VCL: variants seen among roughly 807,000 people sequenced by gnomAD.
VCL encodes vinculin.
VCL carries 47 observed loss-of-function variants against 125.7 expected under a neutral mutation model. That is an observed-to-expected ratio of 0.37 (90% confidence interval 0.30 to 0.48). VCL has a LOEUF of 0.48. VCL is among the 20% of genes least tolerant of loss of function. The pLI is 0.99. For synonymous variants in VCL, 458 were observed against 514.6 expected, an observed-to-expected ratio of 0.89 and a Z score of 1.49; for missense variants, 1,069 against 1,455.5, an observed-to-expected ratio of 0.73 and a Z score of 4.32.
intron 1 of VCL, among the ~76,000 whole-genome samples, chr10:74,042,530 TATTC>T: frequency 6.6e-6 from 1 of 152,338 alleles, no homozygotes; most frequent in East Asian, 1.9e-4. Flanking sequence ...CAGCATTATA[TATTC>T]TTTCTTTTTA....
chr10:74,067,866 T>C (rs1408584783), intron 2 of VCL, among the ~76,000 whole-genome samples: 1 of 152,128 alleles, frequency 6.6e-6, no homozygotes, highest in African/African-American at 2.4e-5. Flanking sequence ...TTAATGAGTA[T>C]TGCGTGTTTT....
chr10:74,095,680 T>C lies in VCL; in HGVS notation c.1568T>C (p.Val523Ala). ...GVGQAAIRGL[V>A]AEGHRLANVM... is the part of the protein sequence containing the mutation. Reference sequence around the variant, plus strand: ...GGTCAGGCTGCCATCCGGGGGCTTGTGGCCGAAGGGCATCGTCTGGCTAAT... The same window carrying C: ...GGTCAGGCTGCCATCCGGGGGCTTGCGGCCGAAGGGCATCGTCTGGCTAAT... The change falls in exon 12 of 22, where the codon GTG (valine) becomes GCG (alanine). Residue 523 changes from valine (V) to alanine (A), a missense_variant. Val to Ala is a moderately conservative substitution (Grantham distance 64). Around this residue, in one of 6 missense-constraint regions of VCL, gnomAD observed 760 missense variants for 928.9 expected, o/e 0.82. Transcript: ENST00000211998. The C allele has an allele frequency of 6.2e-7, 1 of 1,614,114 alleles. No individual in the cohort carries two copies. The highest frequency in any genetic ancestry group is 2.2e-5 in the East Asian group (1 of 44,886).
At chr10:74,104,255 G>A (rs891468152) in intron 15 of VCL, among the ~76,000 whole-genome samples, 1 of 152,160 alleles carries the variant, frequency 6.6e-6, no homozygotes, top group African/African-American at 2.4e-5. Flanking sequence ...GCTGGGAGGC[G>A]GTGTTTGTGG....
chr10:74,101,268 T>C (rs1346658811), intron 14 of VCL, among the ~76,000 whole-genome samples, 171 bp downstream of exon 14: 16 of 151,088 alleles, frequency 1.1e-4, no homozygotes, highest in Admixed American at 1.0e-3. Flanking sequence ...GGAGGACTGC[T>C]TGAGCCTGGG....
intron 7 of VCL, 92 bp from the exon 8 acceptor site, chr10:74,083,274 C>A: frequency 6.5e-7 from 1 of 1,528,958 alleles, no homozygotes; most frequent in Non-Finnish European, 9.0e-7. Context: ...TTAAAATCAT[C>A]CATTCCTTGG....
At chr10:74,008,396 C>T (rs759561521) in intron 1 of VCL, among the ~76,000 whole-genome samples, 3 of 152,176 alleles carry the variant, frequency 2.0e-5, no homozygotes, top group Non-Finnish European at 4.4e-5. Context: ...AGATCACTTA[C>T]TAAATTCATA....
chr10:74,104,000 G>A, intron 15 of VCL, 72 bp downstream of exon 15: 1 of 1,435,666 alleles, frequency 7.0e-7, no homozygotes, highest in Non-Finnish European at 9.8e-7. Flanking sequence ...AGCGGGACTG[G>A]TTCTGTTACT....
At chr10:74,035,311 C>T (rs1423151893) in intron 1 of VCL, among the ~76,000 whole-genome samples, 1 of 149,688 alleles carries the variant, frequency 6.7e-6, no homozygotes, top group Non-Finnish European at 1.5e-5. Flanking sequence ...CAAACCAAAT[C>T]GAGTAGATTG....
intron 2 of VCL, among the ~76,000 whole-genome samples, chr10:74,065,280 G>A (rs1418411621): frequency 6.6e-6 from 1 of 151,982 alleles, no homozygotes; most frequent in Non-Finnish European, 1.5e-5. Context: ...GGGATTACAG[G>A]CGCTTGTCAC....
At chr10:74,070,882 T>A in intron 3 of VCL, 62 bp downstream of exon 3, 1 of 1,612,412 alleles carries the variant, frequency 6.2e-7, no homozygotes, top group Non-Finnish European at 8.5e-7. Context: ...GATGATTGTT[T>A]AGAATGAAAA....
intron 20 of VCL, 129 bp from the exon 21 acceptor site, chr10:74,114,666 C>G: frequency 1.9e-6 from 2 of 1,046,342 alleles, no homozygotes; most frequent in Non-Finnish European, 2.9e-6. Flanking sequence ...AAGTGGAATT[C>G]TGCTGCTTAT....
intron 20 of VCL, 81 bp downstream of exon 20, chr10:74,114,468 G>A (rs1840282357): frequency 6.6e-7 from 1 of 1,512,848 alleles, no homozygotes; most frequent in Admixed American, 1.9e-5. Context: ...GGGAGGGTAT[G>A]AGAGGGAGAA....
intron 1 of VCL, among the ~76,000 whole-genome samples, chr10:74,041,937 A>G (rs1841101820): frequency 6.6e-6 from 1 of 152,210 alleles, no homozygotes; most frequent in Non-Finnish European, 1.5e-5. Context: ...AACAACTTAC[A>G]GTAACATTTT....
chr10:74,061,115 C>A (rs1338820553), intron 2 of VCL, among the ~76,000 whole-genome samples: 1 of 152,086 alleles, frequency 6.6e-6, no homozygotes, highest in Non-Finnish European at 1.5e-5. Flanking sequence ...TACTTTCATT[C>A]TTTAAATACT....
At chr10:74,018,177 G>GAGATATATATATATATATATATAT (rs113828874) in intron 1 of VCL, among the ~76,000 whole-genome samples, 2 of 81,908 alleles carry the variant, frequency 2.4e-5, no homozygotes, top group Non-Finnish European at 5.2e-5. Context: ...ATATATATAG[G>GAGATATATATATATATATATATAT]ATATATATAT....
At chr10:74,109,893 CTTTTT>C (rs1241506121) in intron 18 of VCL, among the ~76,000 whole-genome samples, 1 of 151,912 alleles carries the variant, frequency 6.6e-6, no homozygotes, top group African/African-American at 2.4e-5. Flanking sequence ...GACCCTAGAT[CTTTTT>C]TTTAATGTTT....
intron 2 of VCL, among the ~76,000 whole-genome samples, chr10:74,057,031 G>A (rs141655159): frequency 1.8e-4 from 27 of 152,152 alleles, no homozygotes; most frequent in Admixed American, 3.9e-4. Context: ...TGTAACCTCA[G>A]ACTTCTGGGA....
At chr10:74,077,987 G>A (rs1337233356) in intron 6 of VCL, among the ~76,000 whole-genome samples, 3 of 151,828 alleles carry the variant, frequency 2.0e-5, no homozygotes, top group African/African-American at 7.3e-5. Flanking sequence ...ATTTTTTTCT[G>A]AAAATACATT....
chr10:74,074,066 A>AAAAAC (rs199568482), intron 5 of VCL, among the ~76,000 whole-genome samples: 10 of 151,920 alleles, frequency 6.6e-5, no homozygotes, highest in African/African-American at 2.2e-4. Context: ...CGTCTCTACT[A>AAAAAC]AAAACAAAAC....
Sources: gnomAD v4.1 joint callset for allele counts (sites outside exome capture counted in the v4.1 genomes callset) on GRCh38, gnomAD v4.1.1 for gene constraint, gnomAD v4.1.1 regional missense constraint, MANE v1.5 for transcripts, NCBI Gene and HGNC (gene_info 2026-07-23, HGNC 2026-07-21) for gene names.